NCALD: variants seen among roughly 807,000 people sequenced by gnomAD.
The protein encoded by NCALD is neurocalcin-delta.
NCALD carries 10 observed loss-of-function variants against 18.6 expected under a neutral mutation model. The observed-to-expected ratio is 0.54, with a 90% CI of 0.33 to 0.91. The LOEUF is 0.91. NCALD is among the 40% of genes least tolerant of loss of function. NCALD has a pLI of 0.03. For synonymous variants in NCALD, 88 were observed against 87.4 expected, an observed-to-expected ratio of 1.01 and a Z score of -0.04; for missense variants, 184 against 247.6, an observed-to-expected ratio of 0.74 and a Z score of 1.72.
intron 2 of NCALD, among the ~76,000 whole-genome samples, chr8:101,922,196 A>G (rs1818191780): frequency 7.3e-6 from 1 of 136,648 alleles, no homozygotes; most frequent in Non-Finnish European, 1.5e-5. Context: ...ATGCTTCATG[A>G]AAAAAAAAAA....
intron 2 of NCALD, among the ~76,000 whole-genome samples, chr8:102,015,201 A>ATT (rs561417198): frequency 6.6e-6 from 1 of 151,372 alleles, no homozygotes; most frequent in African/African-American, 2.4e-5. Flanking sequence ...TCATTTTTGT[A>ATT]TTTTTTTTCA....
upstream of NCALD, among the ~76,000 whole-genome samples, chr8:101,793,385 C>T (rs1586520281): frequency 6.6e-6 from 1 of 151,404 alleles, no homozygotes; most frequent in African/African-American, 2.4e-5. Context: ...AACTGACCTT[C>T]AAAATGAAAA....
At chr8:102,059,068 T>A (rs185935407) in intron 1 of NCALD, among the ~76,000 whole-genome samples, 1 of 152,374 alleles carries the variant, frequency 6.6e-6, no homozygotes. Context: ...CATGTCAGAC[T>A]TCTGATCTAC....
intron 4 of NCALD, among the ~76,000 whole-genome samples, chr8:101,841,732 T>C (rs1272899324): frequency 1.3e-5 from 2 of 152,144 alleles, no homozygotes; most frequent in Non-Finnish European, 2.9e-5. Flanking sequence ...TTGACTGGTT[T>C]AGATTAATTA....
chr8:101,689,464 C>A lies in NCALD; in HGVS notation c.485-58G>T. The stretch of plus-strand genomic sequence containing the variant: ...GGTGGCAGCTGCATGAGCTTACACC[C>A]TTCCCACTACTGCGTGCTGGGCAGT... On this transcript the variant is annotated intron_variant, in intron 3 of 3. Coordinates refer to ENST00000220931, the MANE Select transcript of NCALD (RefSeq NM_032041.3). The surrounding 1 kb of genome is among the most constrained non-coding windows in gnomAD (Gnocchi z 4.4). 2 of 1,318,542 alleles carry A rather than the reference C, an allele frequency of 1.5e-6. No homozygotes were observed. The highest frequency in any genetic ancestry group is 1.1e-6 in the Non-Finnish European group (1 of 936,084). The allele number at this position is 1,318,542 out of a possible 1,614,324, so 81.7% of individuals were successfully genotyped here. A position where few individuals can be genotyped will look rare whatever the true frequency, so the allele number is the denominator to read the frequency against.
intron 1 of NCALD, among the ~76,000 whole-genome samples, chr8:101,727,246 A>G (rs1816612593): frequency 1.3e-5 from 2 of 152,218 alleles, no homozygotes; most frequent in South Asian, 2.1e-4. Context: ...TTGTTCCATC[A>G]GCAAGCTGTT....
chr8:101,757,679 T>A (rs10094894), intron 1 of NCALD, among the ~76,000 whole-genome samples: 93,299 of 151,990 alleles, frequency 0.61, 31,461 homozygotes, highest in Non-Finnish European at 0.75. Flanking sequence ...TTTTTTAATA[T>A]CAATTTTACC....
In NCALD at chr8:101,872,575, C is replaced by T. The variant is rs533308570; in HGVS notation, c.-20+14566G>A. 3.4e-5 allele frequency: 20 copies of T among 588,690 alleles called. 1 individual carries two copies. The highest frequency in any genetic ancestry group is 4.9e-4 in the Middle Eastern group (1 of 2,046). The allele number at this position is 588,690 out of a possible 1,614,324, so 36.5% of individuals were successfully genotyped here. A position where few individuals can be genotyped will look rare whatever the true frequency, so the allele number is the denominator to read the frequency against. Reference sequence around the variant, plus strand: ...CTTGTTTCCAATCGCTCAAGCCAATCGTGCTGGGGAATTCAGATTTTCTAA... The same window carrying T: ...CTTGTTTCCAATCGCTCAAGCCAATTGTGCTGGGGAATTCAGATTTTCTAA... On this transcript the variant is annotated intron_variant, in intron 4 of 6. Coordinates refer to the NCALD transcript ENST00000311028.
chr8:101,973,053 A>G (rs905538875), intron 2 of NCALD, among the ~76,000 whole-genome samples: 2 of 152,170 alleles, frequency 1.3e-5, no homozygotes, highest in African/African-American at 4.8e-5. Flanking sequence ...GGTATGAGGA[A>G]GAGAAGGGCA....
At chr8:101,827,777 C>A (rs1174506074) in intron 4 of NCALD, among the ~76,000 whole-genome samples, 2 of 152,224 alleles carry the variant, frequency 1.3e-5, no homozygotes, top group East Asian at 3.8e-4. Context: ...CTCCCCCAAT[C>A]ATCTGCTTTC....
intron 1 of NCALD, among the ~76,000 whole-genome samples, chr8:102,102,830 G>C (rs748053279): frequency 6.6e-6 from 1 of 152,114 alleles, no homozygotes; most frequent in Non-Finnish European, 1.5e-5. Context: ...GTTTCCAGCT[G>C]GGCCTCCCAA....
chr8:101,917,849 T>C (rs1818024703), intron 2 of NCALD, among the ~76,000 whole-genome samples: 1 of 151,556 alleles, frequency 6.6e-6, no homozygotes, highest in South Asian at 2.1e-4. Flanking sequence ...ACCCTACCTA[T>C]CAAAAAAACC....
At chr8:101,882,687 T>C (rs1420052431) in intron 4 of NCALD, among the ~76,000 whole-genome samples, 7 of 152,254 alleles carry the variant, frequency 4.6e-5, no homozygotes, top group Non-Finnish European at 5.9e-5. Flanking sequence ...TTTGATATAA[T>C]GAATTACTTA....
intron 4 of NCALD, among the ~76,000 whole-genome samples, chr8:101,827,769 C>A (rs573493071): frequency 3.3e-5 from 5 of 152,294 alleles, no homozygotes; most frequent in African/African-American, 1.2e-4. Flanking sequence ...AGAATATACT[C>A]CCCCAATCAT....
At chr8:101,697,449 G>GCT (rs1480406555) in intron 2 of NCALD, among the ~76,000 whole-genome samples, 1 of 152,080 alleles carries the variant, frequency 6.6e-6, no homozygotes, top group Non-Finnish European at 1.5e-5. Flanking sequence ...ATTTTATGAG[G>GCT]CTAGTATCAT....
At chr8:101,894,251 C>A (rs573028696) in intron 3 of NCALD, among the ~76,000 whole-genome samples, 14 of 126,384 alleles carry the variant, frequency 1.1e-4, no homozygotes, top group Admixed American at 7.1e-4. Flanking sequence ...ACAACCTGCT[C>A]CTGAATGACT....
At chr8:101,831,179 G>T (rs1259154087) in intron 4 of NCALD, among the ~76,000 whole-genome samples, 1 of 152,114 alleles carries the variant, frequency 6.6e-6, no homozygotes, top group Admixed American at 6.6e-5. Flanking sequence ...GCAAGCAATA[G>T]ATTCTCCTGT....
At chr8:101,896,435 C>T (rs1479420553) in intron 3 of NCALD, among the ~76,000 whole-genome samples, 4 of 152,078 alleles carry the variant, frequency 2.6e-5, no homozygotes, top group Non-Finnish European at 5.9e-5. Flanking sequence ...TAGGCATTGC[C>T]ATTCAGGACA....
At chr8:101,815,181 C>A (rs890553196) in intron 4 of NCALD, among the ~76,000 whole-genome samples, 21 of 152,020 alleles carry the variant, frequency 1.4e-4, no homozygotes, top group Non-Finnish European at 2.5e-4. Context: ...AGGAGAAGAA[C>A]AGAGCTGGAG....
Sources: allele counts gnomAD v4.1 joint callset (sites outside exome capture counted in the v4.1 genomes callset), GRCh38; gene constraint gnomAD v4.1.1; non-coding constraint Gnocchi (gnomAD v3.1); transcripts MANE v1.5; gene names NCBI Gene and HGNC (gene_info 2026-07-23, HGNC 2026-07-21).